The following EDIL3 variants were observed in gnomAD, a reference collection of about 807,000 sequenced individuals.
EDIL3 encodes EGF like and discoidin domains 3.
In EDIL3, 37 loss-of-function variants were observed where a neutral mutation model predicts 67.4. The observed-to-expected ratio is 0.55, with a 90% CI of 0.42 to 0.72. The LOEUF is 0.72. Among genes scored for constraint, EDIL3 ranks in the 30% least tolerant of loss-of-function variants. EDIL3 has a pLI of 0.00. For synonymous variants in EDIL3, 195 were observed against 196.3 expected, an observed-to-expected ratio of 0.99 and a Z score of 0.05; for missense variants, 527 against 586.3, an observed-to-expected ratio of 0.90 and a Z score of 1.04.
intron 1 of EDIL3, among the ~76,000 whole-genome samples, chr5:84,358,970 T>C (rs1475989494): frequency 6.6e-6 from 1 of 152,144 alleles, no homozygotes; most frequent in East Asian, 1.9e-4. Flanking sequence ...ACAACTGTGG[T>C]ACATTTGGGG....
chr5:84,141,766 G>C (rs537142598), intron 4 of EDIL3, among the ~76,000 whole-genome samples: 2 of 149,032 alleles, frequency 1.3e-5, no homozygotes, highest in Admixed American at 6.7e-5. Context: ...CTCTTTATCG[G>C]TATGTCATAC....
chr5:84,059,249 A>T (rs1316352383), intron 9 of EDIL3, among the ~76,000 whole-genome samples: 3 of 152,012 alleles, frequency 2.0e-5, no homozygotes, highest in African/African-American at 7.3e-5. Flanking sequence ...AAAAGAAAAA[A>T]AAAATTAGCG....
intron 4 of EDIL3, among the ~76,000 whole-genome samples, chr5:84,142,646 G>A (rs745878240): frequency 4.6e-5 from 7 of 151,932 alleles, no homozygotes; most frequent in Non-Finnish European, 7.4e-5. Context: ...TCTGGGGATA[G>A]ATATCTATCT....
At chr5:84,206,518 A>G (rs574391718) in intron 3 of EDIL3, among the ~76,000 whole-genome samples, 1 of 152,298 alleles carries the variant, frequency 6.6e-6, no homozygotes, top group East Asian at 1.9e-4. Context: ...TCAATAGAAA[A>G]AGAGGGAATC....
chr5:84,280,826 C>T (rs1439044579), intron 1 of EDIL3, among the ~76,000 whole-genome samples: 3 of 149,538 alleles, frequency 2.0e-5, no homozygotes, highest in Non-Finnish European at 3.0e-5. Flanking sequence ...TGCCCATAGT[C>T]CCATCTACAC....
intron 1 of EDIL3, among the ~76,000 whole-genome samples, chr5:84,356,261 T>G (rs1747478376): frequency 6.6e-6 from 1 of 152,244 alleles, no homozygotes; most frequent in Non-Finnish European, 1.5e-5. Flanking sequence ...TTAAACACAT[T>G]GCTGTCTAAT....
intron 9 of EDIL3, among the ~76,000 whole-genome samples, chr5:83,989,034 G>T (rs78240300): frequency 6.6e-6 from 1 of 151,998 alleles, no homozygotes; most frequent in Non-Finnish European, 1.5e-5. Context: ...CAAATATTAA[G>T]TTTTTTGTTG....
chr5:84,117,621 T>C (rs1407789679), intron 5 of EDIL3, among the ~76,000 whole-genome samples: 1 of 151,620 alleles, frequency 6.6e-6, no homozygotes, highest in Non-Finnish European at 1.5e-5. Context: ...TAAATAATCC[T>C]ATGCTTGTCC....
intron 4 of EDIL3, among the ~76,000 whole-genome samples, chr5:84,166,750 G>C (rs115311383): frequency 0.014 from 2,132 of 152,192 alleles, 48 homozygotes; most frequent in African/African-American, 0.049. Context: ...GGGTTAGTTG[G>C]AGGAAGCCAC....
intron 4 of EDIL3, among the ~76,000 whole-genome samples, chr5:84,157,868 T>C (rs1748521070): frequency 6.6e-6 from 1 of 151,994 alleles, no homozygotes; most frequent in Admixed American, 6.6e-5. Flanking sequence ...TGCATAAATA[T>C]TTGGAAGAAA....
chr5:84,357,561 A>T (rs1376712424), intron 1 of EDIL3, among the ~76,000 whole-genome samples: 1 of 152,122 alleles, frequency 6.6e-6, no homozygotes, highest in Admixed American at 6.6e-5. Context: ...TCTGTCCCAG[A>T]ACTTCCATTA....
At position 84,348,994 on chromosome 5, in the gene EDIL3, C is replaced by A. The variant is rs186515759; in HGVS notation, c.67+35314G>T. Among the ~76,000 whole-genome samples the A allele has an allele frequency of 2.3e-4, 35 of 152,292 alleles. No individual in the cohort carries two copies. The East Asian group carries it at 6.7e-3, about 29-fold the overall frequency. Reference sequence around the variant, plus strand: ...TTCCTACTTAAGATACCTAACAGCACTAGTCCATAATCCTAATGAACATTG... The same window carrying A: ...TTCCTACTTAAGATACCTAACAGCAATAGTCCATAATCCTAATGAACATTG... On this transcript the variant is annotated intron_variant, in intron 1 of 10. Coordinates refer to ENST00000296591, the MANE Select transcript of EDIL3 (RefSeq NM_005711.5).
At chr5:83,947,426 C>T (rs1403448318) in intron 10 of EDIL3, among the ~76,000 whole-genome samples, 2 of 150,524 alleles carry the variant, frequency 1.3e-5, no homozygotes, top group African/African-American at 4.9e-5. Flanking sequence ...GGGCTGAAAG[C>T]TCAGAATTCT....
At chr5:84,187,232 C>T (rs895486937) in intron 3 of EDIL3, among the ~76,000 whole-genome samples, 1 of 152,058 alleles carries the variant, frequency 6.6e-6, no homozygotes, top group African/African-American at 2.4e-5. Flanking sequence ...AGTATGTCAA[C>T]AAGATTAATT....
intron 8 of EDIL3, among the ~76,000 whole-genome samples, chr5:84,062,562 ATGAG>A (rs1219490762): frequency 6.6e-6 from 1 of 152,146 alleles, no homozygotes; most frequent in African/African-American, 2.4e-5. Flanking sequence ...GAATGAATGA[ATGAG>A]TATTCCTCCT....
chr5:83,969,221 C>G (rs868176112), intron 9 of EDIL3, among the ~76,000 whole-genome samples: 1 of 151,524 alleles, frequency 6.6e-6, no homozygotes, highest in African/African-American at 2.4e-5. Flanking sequence ...GGAGTTATTA[C>G]AATCATTAAC....
At chr5:84,049,733 T>C (rs1293357499) in intron 9 of EDIL3, among the ~76,000 whole-genome samples, 1 of 149,980 alleles carries the variant, frequency 6.7e-6, no homozygotes, top group Non-Finnish European at 1.5e-5. Context: ...AAAGTATTAG[T>C]TGAATTTTAA....
At chr5:84,205,395 T>C (rs953886169) in intron 3 of EDIL3, among the ~76,000 whole-genome samples, 1 of 152,050 alleles carries the variant, frequency 6.6e-6, no homozygotes, top group Non-Finnish European at 1.5e-5. Flanking sequence ...AGAAAAACAA[T>C]GAAGTCAGAT....
chr5:84,332,194 C>A (rs1177143318), intron 1 of EDIL3, among the ~76,000 whole-genome samples: 2 of 151,792 alleles, frequency 1.3e-5, no homozygotes, highest in Admixed American at 6.6e-5. Flanking sequence ...TATAATTAGA[C>A]CCCTCTTTAC....
Sources: allele counts gnomAD v4.1 joint callset (sites outside exome capture counted in the v4.1 genomes callset), GRCh38; gene constraint gnomAD v4.1.1; transcripts MANE v1.5; gene names NCBI Gene and HGNC (gene_info 2026-07-23, HGNC 2026-07-21).